PKNOX2: variants seen among roughly 807,000 people sequenced by gnomAD.
PKNOX2 encodes PBX/knotted 1 homeobox 2.
PKNOX2 carries 14 observed loss-of-function variants against 53.1 expected under a neutral mutation model. That is an observed-to-expected ratio of 0.26 (90% CI 0.17 to 0.41). PKNOX2 has a LOEUF of 0.41. PKNOX2 is among the 10% of genes least tolerant of loss of function. The probability of loss-of-function intolerance (pLI) is 1.00; values close to 1 mark genes in which losing one functional copy is unlikely to be tolerated. For synonymous variants in PKNOX2, 257 were observed against 242.8 expected (o/e 1.06, Z -0.54); for missense variants, 496 against 602.8 (o/e 0.82, Z 1.85).
intron 4 of PKNOX2, among the ~76,000 whole-genome samples, chr11:125,360,038 C>T (rs192885129): frequency 4.0e-5 from 6 of 151,466 alleles, no homozygotes; most frequent in East Asian, 2.0e-4. Flanking sequence ...CCCAGCTATA[C>T]GGGAGGCTGA....
intron 1 of PKNOX2, among the ~76,000 whole-genome samples, chr11:125,189,447 G>GTATATATATA (rs58968290): frequency 8.5e-5 from 2 of 23,464 alleles, no homozygotes; most frequent in Admixed American, 4.7e-4. Context: ...GTGTGTGTGT[G>GTATATATATA]TATATATATA....
At chr11:125,355,266 CAAAAAAAAAAGAAAAAA>C (rs1358722148) in intron 4 of PKNOX2, among the ~76,000 whole-genome samples, 10 of 83,272 alleles carry the variant, frequency 1.2e-4, no homozygotes, top group Non-Finnish European at 1.6e-4. Context: ...GACTCTATCT[CAAAAAAAAAAGAAAAAA>C]AAAAAAAAAA....
chr11:125,365,476 A>G (rs137856717), intron 4 of PKNOX2, among the ~76,000 whole-genome samples: 30 of 152,258 alleles, frequency 2.0e-4, no homozygotes, highest in African/African-American at 6.5e-4. Context: ...TCTTGGCCCA[A>G]ATGTTAGAAG....
At chr11:125,324,972 C>T (rs1182081685) in intron 2 of PKNOX2, among the ~76,000 whole-genome samples, 2 of 152,152 alleles carry the variant, frequency 1.3e-5, no homozygotes, top group Non-Finnish European at 2.9e-5. Context: ...TAGAGACAGG[C>T]AGGGCCTTGC....
chr11:125,309,387 A>ATTTTTT (rs67761552), intron 2 of PKNOX2, among the ~76,000 whole-genome samples: 2 of 135,238 alleles, frequency 1.5e-5, no homozygotes, highest in Non-Finnish European at 3.1e-5. Context: ...AACAGTACCA[A>ATTTTTT]TTTTTTTTTT....
chr11:125,197,665 A>C (rs971388371), intron 1 of PKNOX2, among the ~76,000 whole-genome samples: 7 of 152,056 alleles, frequency 4.6e-5, no homozygotes, highest in African/African-American at 1.7e-4. Flanking sequence ...AAACAACAAC[A>C]ACAACAACAA....
rs1170991731 is a variant in PKNOX2 at position 125,351,417 on chromosome 11, C to G, written c.87+25C>G. ...GGTGAGTGCGCAGGGGCCGCTGCCT[C>G]CCACCACGGGGGAGGGAGTGTGGTG... On this transcript the variant is annotated intron_variant, in intron 4 of 12. Coordinates refer to ENST00000298282, the MANE Select transcript of PKNOX2 (RefSeq NM_001382323.2). The G allele has an allele frequency of 2.7e-6, 4 of 1,473,656 alleles. No individual in the cohort carries two copies. In the East Asian group the frequency reaches 6.9e-5, roughly 25 times the overall value. The allele number at this position is 1,473,656 out of a possible 1,614,324, so 91.3% of individuals were successfully genotyped here. A position where few individuals can be genotyped will look rare whatever the true frequency, so the allele number is the denominator to read the frequency against.
chr11:125,279,541 T>G (rs1392271621), intron 2 of PKNOX2, among the ~76,000 whole-genome samples: 1 of 152,222 alleles, frequency 6.6e-6, no homozygotes, highest in Non-Finnish European at 1.5e-5. Flanking sequence ...TGCCTCACCT[T>G]GCCATTCAAC....
chr11:125,280,805 C>A (rs909897879), intron 2 of PKNOX2, among the ~76,000 whole-genome samples: 6 of 152,140 alleles, frequency 3.9e-5, no homozygotes, highest in African/African-American at 1.4e-4. Flanking sequence ...ATGGCACAGG[C>A]ATGGCAGGGC....
At position 125,352,477 on chromosome 11, in the gene PKNOX2, G is replaced by T. The variant is rs1363031973; in HGVS notation, c.87+1085G>T. Among the ~76,000 whole-genome samples, 1 of 152,106 alleles carries T rather than the reference G, an allele frequency of 6.6e-6. No individual in the cohort carries two copies. The highest frequency in any genetic ancestry group is 1.5e-5 in the Non-Finnish European group (1 of 68,022). ...CATTTTCAAACACAGTGGTTCTCAT[G>T]GGCCACACGGAAGATTTGTGCAGCA... is the stretch of plus-strand genomic sequence containing the variant. On this transcript the variant is annotated intron_variant, in intron 4 of 12. Coordinates refer to ENST00000298282, the MANE Select transcript of PKNOX2 (RefSeq NM_001382323.2). The surrounding 1 kb of genome is among the most constrained non-coding windows in gnomAD (Gnocchi z 4.1).
chr11:125,334,326 C>G (rs1025842234), intron 3 of PKNOX2, among the ~76,000 whole-genome samples: 1 of 152,194 alleles, frequency 6.6e-6, no homozygotes, highest in African/African-American at 2.4e-5. Flanking sequence ...TTCTCAAGAG[C>G]CAGCCAGTGT....
At chr11:125,392,831 A>G (rs568164075) in intron 6 of PKNOX2, among the ~76,000 whole-genome samples, 19 of 152,186 alleles carry the variant, frequency 1.2e-4, no homozygotes, top group Non-Finnish European at 2.1e-4. Context: ...AAGAGAAGAA[A>G]GGTTTAAGGA....
chr11:125,300,999 C>T (rs1018989880), intron 2 of PKNOX2, among the ~76,000 whole-genome samples: 10 of 152,342 alleles, frequency 6.6e-5, no homozygotes, highest in Non-Finnish European at 1.5e-4. Flanking sequence ...AAGTCTTGTG[C>T]TCTATCCTCG....
chr11:125,272,236 A>G (rs1476807411), intron 2 of PKNOX2, among the ~76,000 whole-genome samples: 5 of 152,200 alleles, frequency 3.3e-5, no homozygotes, highest in South Asian at 2.1e-4. Flanking sequence ...GTGTTTTTCC[A>G]TAAGTCTGTC....
At chr11:125,206,439 G>C (rs945755460) in intron 1 of PKNOX2, among the ~76,000 whole-genome samples, 1 of 152,092 alleles carries the variant, frequency 6.6e-6, no homozygotes, top group African/African-American at 2.4e-5. Flanking sequence ...AGCAGGTCAG[G>C]ATTCTGGTCC....
rs930598768 is a variant in PKNOX2 at position 125,178,665 on chromosome 11, G to A, written c.-201+13889G>A. On this transcript the variant is annotated intron_variant, in intron 1 of 12. Coordinates refer to ENST00000298282, the MANE Select transcript of PKNOX2 (RefSeq NM_001382323.2). ...AAGAAAGAAGGAAGGAAGGAAGGAAGGAAGGAAAGAAAGAGAGAGAGAGAG... is the reference window on the plus strand; with the variant it reads ...AAGAAAGAAGGAAGGAAGGAAGGAAAGAAGGAAAGAAAGAGAGAGAGAGAG... Among the ~76,000 whole-genome samples, 28 of 104,912 alleles carry A rather than the reference G, an allele frequency of 2.7e-4. 1 individual carries two copies. Among genetic ancestry groups the A allele is most frequent in the African/African-American group, 1.3e-3 (20 of 15,486 alleles). 68.8% of individuals were successfully genotyped at this position (104,912 alleles called of 152,430 possible). A position where few individuals can be genotyped will look rare whatever the true frequency, so the allele number is the denominator to read the frequency against.
intron 1 of PKNOX2, chr11:125,189,928 TTCTC>T (rs1190320237): frequency 3.0e-5 from 4 of 133,400 alleles, no homozygotes; most frequent in African/African-American, 5.3e-5. Context: ...TCTCTTTTCA[TTCTC>T]TCTTTTTTTT....
At chr11:125,421,569 T>C (rs1468805481) in intron 10 of PKNOX2, among the ~76,000 whole-genome samples, 1 of 152,192 alleles carries the variant, frequency 6.6e-6, no homozygotes, top group East Asian at 1.9e-4. Flanking sequence ...TTCCTCTTTA[T>C]AAAATGGAGA....
Position 125,333,509 on chromosome 11 carries a change from C to A in PKNOX2, c.-23+1584C>A, listed in dbSNP as rs575737933. 7.9e-5 allele frequency among the ~76,000 whole-genome samples: 12 copies of A among 151,704 alleles called. No homozygotes were observed. The East Asian group carries it at 1.7e-3, about 22-fold the overall frequency. On this transcript the variant is annotated intron_variant, in intron 3 of 12. Transcript: ENST00000298282. ...GGTAGAGGCAACCTCAAATATCACC[C>A]CTGACCTTTGCCCTCTCAGTCCCAA...
Sources: allele counts gnomAD v4.1 joint callset (sites outside exome capture counted in the v4.1 genomes callset), GRCh38; gene constraint gnomAD v4.1.1; non-coding constraint Gnocchi (gnomAD v3.1); transcripts MANE v1.5; gene names NCBI Gene and HGNC (gene_info 2026-07-23, HGNC 2026-07-21).